The following PCDH17 variants were observed in gnomAD, a reference collection of about 807,000 sequenced individuals.
The protein encoded by PCDH17 is protocadherin 17.
A neutral mutation model predicts 67.7 loss-of-function variants in PCDH17; 21 were observed. That is an observed-to-expected ratio of 0.31 (90% confidence interval 0.22 to 0.45). The LOEUF (loss-of-function observed/expected upper bound fraction) is 0.45, where lower values mean the gene tolerates loss of function less well. Among genes scored for constraint, PCDH17 ranks in the 20% least tolerant of loss-of-function variants. The probability of loss-of-function intolerance (pLI) is 1.00; values close to 1 mark genes in which losing one functional copy is unlikely to be tolerated. For missense variants in PCDH17, 1,471 were observed against 1,564.8 expected, an observed-to-expected ratio of 0.94 and a Z score of 1.01; for synonymous variants, 701 against 656.7, an observed-to-expected ratio of 1.07 and a Z score of -1.03.
intron 3 of PCDH17, among the ~76,000 whole-genome samples, chr13:57,676,410 T>C (rs1466595205): frequency 6.6e-6 from 1 of 151,786 alleles, no homozygotes; most frequent in Non-Finnish European, 1.5e-5. Context: ...ACATTTGGGC[T>C]TTATAAAGAA....
At chr13:57,722,172 T>A (rs1266430080) in intron 3 of PCDH17, among the ~76,000 whole-genome samples, 1 of 152,174 alleles carries the variant, frequency 6.6e-6, no homozygotes, top group Non-Finnish European at 1.5e-5. Flanking sequence ...TCATTTTATG[T>A]TGGTGGTTTC....
intron 3 of PCDH17, among the ~76,000 whole-genome samples, chr13:57,681,653 T>A (rs963743260): frequency 6.6e-6 from 1 of 151,720 alleles, no homozygotes; most frequent in South Asian, 2.1e-4. Context: ...ATAATTTAAT[T>A]TCTATATACT....
Position 57,711,783 on chromosome 13 carries a change from T to C in PCDH17, c.2798-12829T>C, listed in dbSNP as rs564710946. Among the ~76,000 whole-genome samples the C allele has an allele frequency of 1.1e-4, 17 of 151,516 alleles. No homozygotes were observed. The South Asian group carries it at 3.5e-3, about 32-fold the overall frequency. On this transcript the variant is annotated intron_variant, in intron 3 of 3. Transcript: ENST00000377918. ...TGTTATAAAATAATCAGAATAATAATATTTTTACTTTTGTTTCAATTATCT... is the reference window on the plus strand; with the variant it reads ...TGTTATAAAATAATCAGAATAATAACATTTTTACTTTTGTTTCAATTATCT...
intron 3 of PCDH17, among the ~76,000 whole-genome samples, chr13:57,717,561 A>G (rs1199186859): frequency 6.6e-6 from 1 of 151,860 alleles, no homozygotes; most frequent in African/African-American, 2.4e-5. Flanking sequence ...AGCTCCAAAT[A>G]CCCAGCTGTG....
intron 3 of PCDH17, among the ~76,000 whole-genome samples, chr13:57,702,080 G>T (rs942612372): frequency 6.6e-6 from 1 of 151,936 alleles, no homozygotes; most frequent in African/African-American, 2.4e-5. Flanking sequence ...ACCAGGCCCA[G>T]TTAATTTTTG....
At chr13:57,679,885 A>G (rs1028215859) in intron 3 of PCDH17, among the ~76,000 whole-genome samples, 5 of 151,508 alleles carry the variant, frequency 3.3e-5, no homozygotes, top group Admixed American at 6.6e-5. Context: ...AATAGATTAC[A>G]TCTTAAGTAA....
chr13:57,675,860 A>G (rs1177004268), intron 3 of PCDH17, among the ~76,000 whole-genome samples: 2 of 151,860 alleles, frequency 1.3e-5, no homozygotes, highest in Non-Finnish European at 2.9e-5. Flanking sequence ...GGAGAGAGGA[A>G]TAAATTAGGA....
At chr13:57,677,926 G>A (rs911655304) in intron 3 of PCDH17, among the ~76,000 whole-genome samples, 3 of 151,766 alleles carry the variant, frequency 2.0e-5, no homozygotes, top group Admixed American at 2.0e-4. Flanking sequence ...GAGGATTAGA[G>A]AGATGTTAGT....
chr13:57,642,971 C>T (rs1954922495), intron 1 of PCDH17, among the ~76,000 whole-genome samples: 1 of 151,580 alleles, frequency 6.6e-6, no homozygotes, highest in Non-Finnish European at 1.5e-5. Context: ...TAATCTACAA[C>T]ATTCTTTTAA....
chr13:57,689,486 A>G (rs1026826826), intron 3 of PCDH17, among the ~76,000 whole-genome samples: 1 of 152,002 alleles, frequency 6.6e-6, no homozygotes, highest in South Asian at 2.1e-4. Context: ...TAATTACCTT[A>G]TTGATGATGT....
At chr13:57,687,708 A>C (rs1490276096) in intron 3 of PCDH17, among the ~76,000 whole-genome samples, 2 of 152,044 alleles carry the variant, frequency 1.3e-5, no homozygotes, top group Non-Finnish European at 2.9e-5. Flanking sequence ...AAAATAACTA[A>C]CTATTAAACC....
At chr13:57,723,802 A>G (rs1280282727) in intron 3 of PCDH17, among the ~76,000 whole-genome samples, 2 of 152,324 alleles carry the variant, frequency 1.3e-5, no homozygotes, top group East Asian at 3.9e-4. Flanking sequence ...GATCATTAAA[A>G]GAATGCTTTA....
rs1165121581 is a variant in PCDH17 at position 57,649,790 on chromosome 13, GA to G, written c.2565+14683del. Among the ~76,000 whole-genome samples the G allele has an allele frequency of 6.6e-5, 10 of 152,292 alleles. No homozygotes were observed. In the East Asian group the frequency reaches 1.9e-3, roughly 29 times the overall value. On this transcript the variant is annotated intron_variant, in intron 1 of 3. Transcript: ENST00000377918. ...TATTTGTGATATTTTGTCCTCCCAA[GA>G]AAAGGGGTATCAAGATCCTTAAATC...
At chr13:57,657,821 T>C (rs2138010417) in intron 1 of PCDH17, among the ~76,000 whole-genome samples, 1 of 152,360 alleles carries the variant, frequency 6.6e-6, no homozygotes, top group Middle Eastern at 3.4e-3. Flanking sequence ...TAAATTTGGC[T>C]GATTTTATAA....
chr13:57,692,159 G>A (rs1232415654), intron 3 of PCDH17, among the ~76,000 whole-genome samples: 1 of 150,992 alleles, frequency 6.6e-6, no homozygotes, highest in Non-Finnish European at 1.5e-5. Context: ...GTGATATTTA[G>A]CATTTCATGC....
Position 57,653,217 on chromosome 13 carries a change from T to A in PCDH17, c.2566-13251T>A, listed in dbSNP as rs191936019. The stretch of plus-strand genomic sequence containing the variant: ...ATTTAATCATAGAACTGGCTCTGAT[T>A]ATTATTTTATTCTAGTCAAAATGGT... On this transcript the variant is annotated intron_variant, in intron 1 of 3. Transcript: ENST00000377918. 1.6e-4 allele frequency among the ~76,000 whole-genome samples: 24 copies of A among 152,298 alleles called. No individual in the cohort carries two copies. The East Asian group carries it at 2.7e-3, about 17-fold the overall frequency.
In PCDH17 at chr13:57,635,049, A is replaced by G. The variant is rs781283348; in HGVS notation, c.2503A>G (p.Ser835Gly). 1 of 1,613,612 alleles carries G rather than the reference A, an allele frequency of 6.2e-7. No individual in the cohort carries two copies. ...VPQGHAGCHTSFTGQGTNASE... is the reference protein window; with the variant it reads ...VPQGHAGCHTGFTGQGTNASE... ...TCAGGGGCACGCGGGCTGCCACACCAGCTTCACCGGACAAGGGACTAATGC... is the reference window on the plus strand; with the variant it reads ...TCAGGGGCACGCGGGCTGCCACACCGGCTTCACCGGACAAGGGACTAATGC... Residue 835 changes from serine (S) to glycine (G), a missense_variant, in exon 1 of 4, where the codon AGC (serine) becomes GGC (glycine). By Grantham distance (56) the Ser-to-Gly change is moderately conservative (BLOSUM62 0). This residue lies in a region of PCDH17 where 1,163 missense variants were observed against 1,230.0 expected (regional missense o/e 0.95). Coordinates refer to ENST00000377918, the MANE Select transcript of PCDH17 (RefSeq NM_001040429.3).
Position 57,632,492 on chromosome 13 carries a change from T to G in PCDH17, c.-55T>G. 4 of 1,547,136 alleles carry G rather than the reference T, an allele frequency of 2.6e-6. No homozygotes were observed. The highest frequency in any genetic ancestry group is 3.5e-6 in the Non-Finnish European group (4 of 1,144,654). On this transcript the variant is annotated 5_prime_UTR_variant, in exon 1 of 4. Transcript: ENST00000377918. ...GCCAGGGCCCCAGGCTGGCGCGCAC[T>G]CCCTCTCTGGCTCCTCCAGTCCGAT...
At chr13:57,659,163 G>A (rs569077700) in intron 1 of PCDH17, among the ~76,000 whole-genome samples, 2 of 151,674 alleles carry the variant, frequency 1.3e-5, no homozygotes, top group Non-Finnish European at 2.9e-5. Flanking sequence ...ATAATTATCA[G>A]AGTATGTGTA....
Sources: gnomAD v4.1 joint callset for allele counts (sites outside exome capture counted in the v4.1 genomes callset) on GRCh38, gnomAD v4.1.1 for gene constraint, gnomAD v4.1.1 regional missense constraint, MANE v1.5 for transcripts, NCBI Gene and HGNC (gene_info 2026-07-23, HGNC 2026-07-21) for gene names.